CFAP47: variants seen among roughly 807,000 people sequenced by gnomAD.
CFAP47 encodes the protein cilia- and flagella-associated protein 47.
In CFAP47, 29 loss-of-function variants were observed where a neutral mutation model predicts 148.1. The observed-to-expected ratio is 0.20, with a 90% CI of 0.15 to 0.27. CFAP47 has a LOEUF of 0.27. Ranked by LOEUF, CFAP47 falls within the 10% of genes least tolerant of loss-of-function variation. The pLI is 1.00. For missense variants in CFAP47, 1,872 were observed against 1,697.5 expected (o/e 1.10, Z -1.81); for synonymous variants, 664 against 577.3 (o/e 1.15, Z -2.15).
intron 22 of CFAP47, among the ~76,000 whole-genome samples, chrX:36,021,768 T>A (rs963958396): frequency 9.4e-6 from 1 of 106,042 alleles, no homozygotes; most frequent in African/African-American, 3.4e-5. Context: ...ACATGCGGTG[T>A]TTGGCTTTCT....
At chrX:36,315,036 C>T (rs1052524755) in intron 56 of CFAP47, among the ~76,000 whole-genome samples, 1 of 111,611 alleles carries the variant, frequency 9.0e-6, no homozygotes, top group Non-Finnish European at 1.9e-5. Flanking sequence ...AGAATTTTCC[C>T]TAAAGCCTGA....
intron 57 of CFAP47, among the ~76,000 whole-genome samples, chrX:36,332,845 C>T (rs1422606276): frequency 8.9e-6 from 1 of 112,225 alleles, no homozygotes; most frequent in East Asian, 2.8e-4. Flanking sequence ...GCAAACTCTC[C>T]ACATATCACA....
intron 30 of CFAP47, among the ~76,000 whole-genome samples, chrX:36,093,490 G>A (rs1054529989): frequency 4.5e-5 from 5 of 110,778 alleles, no homozygotes; most frequent in African/African-American, 6.5e-5. Context: ...CTTTTGATTT[G>A]CATTTATCTG....
chrX:36,088,722 G>A (rs765693412), intron 30 of CFAP47, among the ~76,000 whole-genome samples: 1 of 111,173 alleles, frequency 9.0e-6, no homozygotes, highest in African/African-American at 3.3e-5. Flanking sequence ...GGCAGCTTGA[G>A]CTTACCAATA....
chrX:36,372,030 A>ATG (rs200460619), intron 62 of CFAP47, among the ~76,000 whole-genome samples: 40 of 102,435 alleles, frequency 3.9e-4, no homozygotes, highest in Non-Finnish European at 6.4e-4. Flanking sequence ...ATATGTATAT[A>ATG]TGTGTGTGTG....
intron 25 of CFAP47, among the ~76,000 whole-genome samples, chrX:36,041,561 A>G (rs1055998047): frequency 1.9e-4 from 21 of 111,578 alleles, no homozygotes; most frequent in African/African-American, 6.8e-4. Context: ...AATTTGTTTT[A>G]TGATCTCAGA....
chrX:35,989,579 T>C, intron 16 of CFAP47, 130 bp downstream of exon 16: 1 of 1,166,844 alleles, frequency 8.6e-7, no homozygotes, highest in South Asian at 2.0e-5. Flanking sequence ...CAGTACTAGT[T>C]TTTTTGTTAG....
chrX:36,366,727 G>T (rs940168945), intron 61 of CFAP47, among the ~76,000 whole-genome samples: 3 of 111,105 alleles, frequency 2.7e-5, no homozygotes, highest in Non-Finnish European at 5.7e-5. Context: ...CTAGAGGGTA[G>T]ATAAGACACC....
chrX:36,141,207 A>G (rs1169481690), intron 35 of CFAP47, among the ~76,000 whole-genome samples: 3 of 110,458 alleles, frequency 2.7e-5, no homozygotes, highest in Admixed American at 9.7e-5. Context: ...AAGCTGGAAC[A>G]CAGAAGAGCT....
At chrX:36,366,826 A>G (rs1167775231) in intron 61 of CFAP47, 140 bp from the exon 62 acceptor site, 1 of 323,182 alleles carries the variant, frequency 3.1e-6, no homozygotes, top group East Asian at 4.7e-5. Flanking sequence ...CATTTACATT[A>G]TTTTTAAGAA....
intron 2 of CFAP47, among the ~76,000 whole-genome samples, chrX:35,931,277 C>G (rs1015501797): frequency 3.6e-5 from 4 of 110,467 alleles, no homozygotes; most frequent in Non-Finnish European, 5.7e-5. Flanking sequence ...ATATAATGTC[C>G]CTCCTTGTGC....
chrX:36,128,271 G>T (rs1240860099), intron 33 of CFAP47, among the ~76,000 whole-genome samples: 1 of 110,786 alleles, frequency 9.0e-6, no homozygotes, highest in East Asian at 2.8e-4. Flanking sequence ...AAATTTGGGG[G>T]TTATTATTTT....
At chrX:36,239,996 C>T (rs782387482) in intron 48 of CFAP47, among the ~76,000 whole-genome samples, 15 of 111,755 alleles carry the variant, frequency 1.3e-4, no homozygotes, top group Non-Finnish European at 2.3e-4. Context: ...TTACTGCTGA[C>T]CGCTAAGCCA....
chrX:36,254,210 C>T (rs1227067235), intron 49 of CFAP47, among the ~76,000 whole-genome samples: 1 of 111,042 alleles, frequency 9.0e-6, no homozygotes, highest in Admixed American at 9.6e-5. Context: ...TGGGTTTGAT[C>T]TGAACCTTGA....
At chrX:36,153,650 C>T (rs1939334653) in intron 37 of CFAP47, among the ~76,000 whole-genome samples, 1 of 112,325 alleles carries the variant, frequency 8.9e-6, no homozygotes, top group African/African-American at 3.2e-5. Context: ...TCCAGGGTAC[C>T]CTTTGAAATA....
At chrX:36,374,432 G>C (rs1458259634) in intron 62 of CFAP47, among the ~76,000 whole-genome samples, 2 of 110,360 alleles carry the variant, frequency 1.8e-5, no homozygotes, top group Non-Finnish European at 3.8e-5. Flanking sequence ...ATTCTCTCTT[G>C]TTATCTTAAT....
chrX:36,276,310 C>T (rs781979195), intron 49 of CFAP47, among the ~76,000 whole-genome samples: 1 of 111,355 alleles, frequency 9.0e-6, no homozygotes, highest in Non-Finnish European at 1.9e-5. Context: ...AAAAAATACC[C>T]GTTTTCTCTC....
intron 15 of CFAP47, among the ~76,000 whole-genome samples, chrX:35,984,100 T>G (rs1882168816): frequency 9.0e-6 from 1 of 111,471 alleles, no homozygotes; most frequent in Non-Finnish European, 1.9e-5. Context: ...CTGGGCTTTT[T>G]CTGGTTGGTA....
At chrX:36,342,607 T>C (rs1170735340) in intron 57 of CFAP47, among the ~76,000 whole-genome samples, 1 of 109,736 alleles carries the variant, frequency 9.1e-6, no homozygotes, top group Non-Finnish European at 1.9e-5. Context: ...AAATTCATAC[T>C]CTTTTAAATA....
Sources: gnomAD v4.1 joint callset for allele counts (sites outside exome capture counted in the v4.1 genomes callset) on GRCh38, gnomAD v4.1.1 for gene constraint, MANE v1.5 for transcripts, NCBI Gene and HGNC (gene_info 2026-07-23, HGNC 2026-07-21) for gene names.